GABRB1: variants seen among roughly 807,000 people sequenced by gnomAD.
The protein encoded by GABRB1 is gamma-aminobutyric acid type A receptor subunit beta1, also known as gamma-aminobutyric acid receptor subunit beta-1.
A neutral mutation model predicts 51.6 loss-of-function variants in GABRB1; 17 were observed. The ratio of observed to expected loss-of-function variants is 0.33; its 90% CI spans 0.23 to 0.49. The LOEUF (loss-of-function observed/expected upper bound fraction) is 0.49, where lower values mean the gene tolerates loss of function less well. Among genes scored for constraint, GABRB1 ranks in the 20% least tolerant of loss-of-function variants. GABRB1 has a pLI of 0.99. For missense variants in GABRB1, 410 were observed against 600.6 expected, an observed-to-expected ratio of 0.68 and a Z score of 3.32; for synonymous variants, 247 against 218.9, an observed-to-expected ratio of 1.13 and a Z score of -1.14.
chr4:47,405,614 C>G (rs1045997066), intron 7 of GABRB1, among the ~76,000 whole-genome samples: 2 of 152,088 alleles, frequency 1.3e-5, no homozygotes, highest in African/African-American at 2.4e-5. Flanking sequence ...GAATAACATA[C>G]AGTCCCTATC....
intron 3 of GABRB1, among the ~76,000 whole-genome samples, chr4:47,087,197 G>C (rs1435047359): frequency 2.0e-5 from 3 of 152,140 alleles, no homozygotes; most frequent in African/African-American, 7.2e-5. Context: ...CAGCTAATGA[G>C]ACATGCCCAG....
At chr4:47,004,926 G>A (rs1433364873) in intron 1 of GABRB1, among the ~76,000 whole-genome samples, 8 of 152,312 alleles carry the variant, frequency 5.3e-5, no homozygotes, top group African/African-American at 1.9e-4. Flanking sequence ...ATGGCATGCA[G>A]TGATTTGTAA....
chr4:47,324,415 G>A (rs1725180988), intron 5 of GABRB1, among the ~76,000 whole-genome samples: 1 of 152,066 alleles, frequency 6.6e-6, no homozygotes, highest in Admixed American at 6.6e-5. Context: ...CTCACAGCCT[G>A]TAAACAAGCT....
At chr4:47,030,713 C>T (rs781578502), upstream of GABRB1, among the ~76,000 whole-genome samples, 1 of 152,180 alleles carries the variant, frequency 6.6e-6, no homozygotes, top group Non-Finnish European at 1.5e-5. Flanking sequence ...TGCAGAATCC[C>T]AACCTACTGG....
chr4:47,072,077 G>C (rs917638196), intron 3 of GABRB1, among the ~76,000 whole-genome samples: 3 of 150,784 alleles, frequency 2.0e-5, no homozygotes, highest in Non-Finnish European at 4.4e-5. Context: ...GTGATACAAT[G>C]CAAAAAGTCA....
chr4:47,056,021 C>A (rs1726582597), intron 3 of GABRB1, among the ~76,000 whole-genome samples: 1 of 152,160 alleles, frequency 6.6e-6, no homozygotes, highest in Non-Finnish European at 1.5e-5. Context: ...TCCATGAACA[C>A]ATCTTAAGTA....
At chr4:47,202,026 T>G (rs1719917865) in intron 4 of GABRB1, among the ~76,000 whole-genome samples, 2 of 152,148 alleles carry the variant, frequency 1.3e-5, no homozygotes, top group Admixed American at 1.3e-4. Context: ...CTCATCACCC[T>G]AACTTAAAAC....
intron 5 of GABRB1, among the ~76,000 whole-genome samples, chr4:47,349,061 T>C (rs1314457397): frequency 6.6e-6 from 1 of 152,144 alleles, no homozygotes; most frequent in Non-Finnish European, 1.5e-5. Flanking sequence ...CCGGGAATGT[T>C]TTAGATTCTG....
intron 4 of GABRB1, among the ~76,000 whole-genome samples, chr4:47,223,244 G>C (rs1041665576): frequency 1.6e-4 from 24 of 151,962 alleles, no homozygotes; most frequent in African/African-American, 5.5e-4. Flanking sequence ...CATTAGAATC[G>C]AAAGTATATT....
intron 4 of GABRB1, among the ~76,000 whole-genome samples, chr4:47,246,934 G>T (rs1721784933): frequency 6.6e-6 from 1 of 152,028 alleles, no homozygotes; most frequent in South Asian, 2.1e-4. Context: ...TCCTTTATCA[G>T]ATGTACAGAT....
chr4:47,077,556 C>G (rs1035257120), intron 3 of GABRB1, among the ~76,000 whole-genome samples: 2 of 151,836 alleles, frequency 1.3e-5, no homozygotes, highest in Non-Finnish European at 2.9e-5. Context: ...CCATTATTTA[C>G]AAATTGCTAA....
intron 5 of GABRB1, among the ~76,000 whole-genome samples, chr4:47,334,779 TA>T (rs1725631814): frequency 6.6e-6 from 1 of 152,234 alleles, no homozygotes; most frequent in South Asian, 2.1e-4. Flanking sequence ...ATTCTTGATG[TA>T]AATCTTTCTC....
intron 4 of GABRB1, among the ~76,000 whole-genome samples, chr4:47,319,239 C>T (rs1291862804): frequency 1.3e-5 from 2 of 151,960 alleles, no homozygotes; most frequent in Non-Finnish European, 2.9e-5. Context: ...TACTGTACTA[C>T]AGTATACTGT....
intron 3 of GABRB1, among the ~76,000 whole-genome samples, chr4:47,058,887 G>C (rs1034839303): frequency 6.6e-6 from 1 of 152,134 alleles, no homozygotes; most frequent in Admixed American, 6.5e-5. Flanking sequence ...TGGATTCAAA[G>C]TAAGAAACAA....
intron 3 of GABRB1, among the ~76,000 whole-genome samples, chr4:47,127,676 C>G (rs1427365018): frequency 6.6e-6 from 1 of 151,834 alleles, no homozygotes; most frequent in Non-Finnish European, 1.5e-5. Flanking sequence ...CTAGACTAAA[C>G]TCTTTTGTTT....
At chr4:47,330,413 T>C (rs1578099192) in intron 5 of GABRB1, among the ~76,000 whole-genome samples, 2 of 152,202 alleles carry the variant, frequency 1.3e-5, no homozygotes, top group East Asian at 3.8e-4. Flanking sequence ...CTAGCACTTC[T>C]TAAGTAGCGA....
chr4:47,038,372 A>G (rs1417883895), intron 3 of GABRB1, among the ~76,000 whole-genome samples: 1 of 152,218 alleles, frequency 6.6e-6, no homozygotes, highest in Non-Finnish European at 1.5e-5. Context: ...GATCTTCAAA[A>G]TGAAACTGGC....
intron 3 of GABRB1, among the ~76,000 whole-genome samples, chr4:47,106,084 T>C (rs1405620220): frequency 2.0e-5 from 3 of 152,124 alleles, no homozygotes; most frequent in African/African-American, 7.2e-5. Context: ...GCTGTAATTT[T>C]ACAAATTATC....
chr4:47,280,724 T>G (rs1288598028), intron 4 of GABRB1, among the ~76,000 whole-genome samples: 1 of 151,910 alleles, frequency 6.6e-6, no homozygotes, highest in Non-Finnish European at 1.5e-5. Context: ...CACAGTTCAC[T>G]GTTACCTCTA....
Sources: allele counts gnomAD v4.1 joint callset (sites outside exome capture counted in the v4.1 genomes callset), GRCh38; gene constraint gnomAD v4.1.1; transcripts MANE v1.5; gene names NCBI Gene and HGNC (gene_info 2026-07-23, HGNC 2026-07-21).